Variants in PLXNA4 observed in about 807,000 individuals in gnomAD.
PLXNA4 encodes the protein plexin A4.
Under a neutral mutation model 191.8 loss-of-function variants are expected in PLXNA4, and 44 were observed. That is an observed-to-expected ratio of 0.23 (90% CI 0.18 to 0.29). The LOEUF is 0.29. Ranked by LOEUF, PLXNA4 falls within the 10% of genes least tolerant of loss-of-function variation. PLXNA4 has a pLI of 1.00. For missense variants in PLXNA4, 1,800 were observed against 2,488.8 expected, an observed-to-expected ratio of 0.72 and a Z score of 5.89; for synonymous variants, 1,082 against 1,009.5, an observed-to-expected ratio of 1.07 and a Z score of -1.36.
chr7:132,149,601 A>G (rs985210583), intron 25 of PLXNA4, among the ~76,000 whole-genome samples: 7 of 152,194 alleles, frequency 4.6e-5, no homozygotes, highest in African/African-American at 1.7e-4. Flanking sequence ...CTTAAATTCA[A>G]ATGCAACGTG....
Position 132,516,331 on chromosome 7 carries a change from C to T in PLXNA4, c.-86-7552G>A, listed in dbSNP as rs1002577585. On this transcript the variant is annotated intron_variant, in intron 1 of 31. Coordinates refer to ENST00000321063, the MANE Select transcript of PLXNA4 (RefSeq NM_020911.2). Reference sequence around the variant, plus strand: ...GAGTTCAAATGCATCAGAGAAACTACGTCTTTCGTATATGATTTACATGGA... The same window carrying T: ...GAGTTCAAATGCATCAGAGAAACTATGTCTTTCGTATATGATTTACATGGA... 9.2e-5 allele frequency among the ~76,000 whole-genome samples: 14 copies of T among 152,046 alleles called. No individual in the cohort carries two copies. The South Asian group carries it at 1.9e-3, about 20-fold the overall frequency.
At chr7:132,256,064 G>A (rs1584907078) in intron 4 of PLXNA4, among the ~76,000 whole-genome samples, 2 of 152,192 alleles carry the variant, frequency 1.3e-5, no homozygotes, top group Non-Finnish European at 1.5e-5. Context: ...AGTACAAGAG[G>A]CCGTGCTGTG....
chr7:132,207,233 G>T (rs530312760), intron 10 of PLXNA4, among the ~76,000 whole-genome samples: 4 of 152,208 alleles, frequency 2.6e-5, no homozygotes, highest in Non-Finnish European at 4.4e-5. Context: ...GTAGAAAGGG[G>T]ACAAGTTCTC....
At chr7:132,292,071 A>G (rs956541494) in intron 4 of PLXNA4, among the ~76,000 whole-genome samples, 1 of 152,186 alleles carries the variant, frequency 6.6e-6, no homozygotes, top group African/African-American at 2.4e-5. Flanking sequence ...CTGGGATTGC[A>G]GGCGTGAGCC....
intron 2 of PLXNA4, among the ~76,000 whole-genome samples, chr7:132,602,803 C>A (rs577040516): frequency 6.6e-6 from 1 of 152,272 alleles, no homozygotes; most frequent in East Asian, 1.9e-4. Context: ...GTGAGAAGGT[C>A]GTCAGACTCT....
At chr7:132,177,664 G>A (rs950216099) in intron 20 of PLXNA4, among the ~76,000 whole-genome samples, 12 of 152,200 alleles carry the variant, frequency 7.9e-5, no homozygotes, top group South Asian at 4.1e-4. Context: ...TCAGTCTGCA[G>A]CTTTCCTTTA....
intron 3 of PLXNA4, among the ~76,000 whole-genome samples, chr7:132,347,904 A>G (rs1803312759): frequency 6.6e-6 from 1 of 152,190 alleles, no homozygotes; most frequent in Non-Finnish European, 1.5e-5. Context: ...CATTGTAACC[A>G]GATTTTCCCT....
chr7:132,576,550 C>T (rs980458405), upstream of PLXNA4: 29 of 985,992 alleles, frequency 2.9e-5, no homozygotes, highest in Non-Finnish European at 6.0e-6. The surrounding 1 kb of genome is among the most constrained non-coding windows in gnomAD (Gnocchi z 5.8). Flanking sequence ...TCCTCCAGCC[C>T]CAGCCCCGAA....
chr7:132,635,382 A>G (rs973253554), intron 2 of PLXNA4, among the ~76,000 whole-genome samples: 12 of 151,978 alleles, frequency 7.9e-5, no homozygotes, highest in Non-Finnish European at 1.8e-4. Context: ...TTTGAACTGT[A>G]TACTTGGATT....
chr7:132,570,402 A>C (rs1801925167), intron 1 of PLXNA4, among the ~76,000 whole-genome samples: 1 of 152,178 alleles, frequency 6.6e-6, no homozygotes, highest in African/African-American at 2.4e-5. Context: ...GAAGCAATCC[A>C]CCAGCTATGC....
At chr7:132,214,251 G>T (rs937780521) in intron 9 of PLXNA4, among the ~76,000 whole-genome samples, 1 of 152,158 alleles carries the variant, frequency 6.6e-6, no homozygotes, top group Non-Finnish European at 1.5e-5. Flanking sequence ...TCCAAGACAT[G>T]GGGAGCAGCA....
In PLXNA4 at chr7:132,298,153, C is replaced by G. The variant is rs751224256; in HGVS notation, c.1441G>C (p.Val481Leu). ...ETVQVVDPGPVLRDMAFSKDH... is the reference protein window; with the variant it reads ...ETVQVVDPGPLLRDMAFSKDH... ...TTGGAGAAGGCCATATCCCGGAGGA[C>G]TGGGCCGGGGTCCACCACCTGCACC... Residue 481 changes from valine (V) to leucine (L), a missense_variant, in exon 4 of 32, where the codon GTC (valine) becomes CTC (leucine). Around this residue, in one of 6 missense-constraint regions of PLXNA4, gnomAD observed 1,397 missense variants for 1,880.4 expected, o/e 0.74. Coordinates refer to ENST00000321063, the MANE Select transcript of PLXNA4 (RefSeq NM_020911.2). 1 of 1,614,180 alleles carries G rather than the reference C, an allele frequency of 6.2e-7. No individual in the cohort carries two copies. Among genetic ancestry groups the G allele is most frequent in the Non-Finnish European group, 8.5e-7 (1 of 1,180,012 alleles).
intron 6 of PLXNA4, 54 bp downstream of exon 6, chr7:132,228,292 G>T: frequency 2.5e-6 from 4 of 1,608,740 alleles, no homozygotes; most frequent in Non-Finnish European, 3.4e-6. Flanking sequence ...TTTTTAGTGA[G>T]GGGAGAGTTT....
Position 132,154,420 on chromosome 7 carries a change from T to G in PLXNA4, c.4660+5053A>C, listed in dbSNP as rs1420928273. Among the ~76,000 whole-genome samples, 648 of 151,998 alleles carry G rather than the reference T, an allele frequency of 4.3e-3. 4 individuals carry two copies. The highest frequency in any genetic ancestry group is 0.015 in the African/African-American group (622 of 41,492). ...GACATCTAAAAACGTTCTGTTTTTTTTTTTTTTTTAATTATTGTGACAGCA... is the reference window on the plus strand; with the variant it reads ...GACATCTAAAAACGTTCTGTTTTTTGTTTTTTTTTAATTATTGTGACAGCA... On this transcript the variant is annotated intron_variant, in intron 25 of 31. Coordinates refer to ENST00000321063, the MANE Select transcript of PLXNA4 (RefSeq NM_020911.2).
chr7:132,180,295 T>A (rs1317664215), intron 19 of PLXNA4, among the ~76,000 whole-genome samples: 1 of 152,152 alleles, frequency 6.6e-6, no homozygotes, highest in Non-Finnish European at 1.5e-5. Context: ...CGGAATTCCC[T>A]GGGCCAGCAA....
chr7:132,502,722 G>A (rs1798305058), intron 2 of PLXNA4, among the ~76,000 whole-genome samples: 1 of 152,162 alleles, frequency 6.6e-6, no homozygotes, highest in African/African-American at 2.4e-5. Flanking sequence ...TGAAACACTT[G>A]AGTTTTGTGT....
intron 4 of PLXNA4, among the ~76,000 whole-genome samples, chr7:132,281,033 G>C (rs1800459449): frequency 6.6e-6 from 1 of 152,032 alleles, no homozygotes; most frequent in Non-Finnish European, 1.5e-5. Flanking sequence ...AGATAAAATA[G>C]CATCTTGTAT....
intron 1 of PLXNA4, among the ~76,000 whole-genome samples, chr7:132,544,857 T>A (rs1800227838): frequency 6.6e-6 from 1 of 151,984 alleles, no homozygotes; most frequent in Admixed American, 6.6e-5. Flanking sequence ...GGAGATGAAA[T>A]AAAATAAAAG....
intron 25 of PLXNA4, 52 bp downstream of exon 25, chr7:132,159,421 G>A: frequency 1.9e-6 from 3 of 1,600,182 alleles, no homozygotes; most frequent in Non-Finnish European, 1.7e-6. Context: ...AGAAGGTGAG[G>A]TGTGTTCAGG....
Sources: allele counts gnomAD v4.1 joint callset (sites outside exome capture counted in the v4.1 genomes callset), GRCh38; gene constraint gnomAD v4.1.1; regional missense constraint gnomAD v4.1.1; non-coding constraint Gnocchi (gnomAD v3.1); transcripts MANE v1.5; gene names NCBI Gene and HGNC (gene_info 2026-07-23, HGNC 2026-07-21).